The following CASK variants were observed in gnomAD, a reference collection of about 807,000 sequenced individuals.
CASK encodes the protein peripheral plasma membrane protein CASK.
CASK carries 4 observed loss-of-function variants against 82.9 expected under a neutral mutation model. The ratio of observed to expected loss-of-function variants is 0.05; its 90% CI spans 0.02 to 0.11. CASK has a LOEUF of 0.11. Among genes scored for constraint, CASK ranks in the 10% least tolerant of loss-of-function variants. CASK has a pLI of 1.00. For synonymous variants in CASK, 259 were observed against 253.5 expected, an observed-to-expected ratio of 1.02 and a Z score of -0.20; for missense variants, 358 against 720.9, an observed-to-expected ratio of 0.50 and a Z score of 5.76.
intron 5 of CASK, among the ~76,000 whole-genome samples, chrX:41,681,409 G>A (rs1011249831): frequency 3.6e-5 from 4 of 111,802 alleles, no homozygotes; most frequent in Non-Finnish European, 7.5e-5. Context: ...AAAATTAACT[G>A]TAGTACATAT....
intron 2 of CASK, among the ~76,000 whole-genome samples, chrX:41,807,677 AG>A (rs1263381915): frequency 1.8e-5 from 2 of 110,793 alleles, no homozygotes; most frequent in Non-Finnish European, 3.8e-5. Context: ...GCATCTGGTA[AG>A]GTTCGTCCCA....
intron 5 of CASK, among the ~76,000 whole-genome samples, chrX:41,709,490 T>C (rs947213204): frequency 6.3e-5 from 7 of 111,590 alleles, no homozygotes; most frequent in African/African-American, 2.3e-4. Flanking sequence ...TGAGAGTCCA[T>C]ATAAAACAGT....
chrX:41,795,258 T>C (rs983955156), intron 2 of CASK, among the ~76,000 whole-genome samples: 1 of 112,689 alleles, frequency 8.9e-6, no homozygotes, highest in Non-Finnish European at 1.9e-5. Context: ...TTAATTGTTT[T>C]GATAAATACT....
intron 1 of CASK, among the ~76,000 whole-genome samples, chrX:41,913,225 G>C (rs940906662): frequency 4.5e-5 from 5 of 112,003 alleles, no homozygotes; most frequent in African/African-American, 1.6e-4. Flanking sequence ...TCAAGTGTTT[G>C]GTGAATAGCA....
At position 41,626,659 on chromosome X, in the gene CASK, G is replaced by A; in HGVS notation, c.960C>T (p.Phe320=). 1 of 1,206,580 alleles carries A rather than the reference G, an allele frequency of 8.3e-7. No homozygotes were observed. The highest frequency in any genetic ancestry group is 1.1e-6 in the Non-Finnish European group (1 of 890,569). Residue 320 remains phenylalanine (F), a synonymous_variant, in exon 10 of 27, where the codon TTC becomes TTT. Coordinates refer to ENST00000378163, the MANE Select transcript of CASK (RefSeq NM_001367721.1). ...AAVSSHKFNS[F]YGDPPEELPD... is the part of the protein sequence containing the mutation. Reference sequence around the variant, plus strand: ...GTAACTCTTCAGGGGGATCCCCATAGAATGAGTTGAATTTGTGACTTGACA... The same window carrying A: ...GTAACTCTTCAGGGGGATCCCCATAAAATGAGTTGAATTTGTGACTTGACA...
At chrX:41,631,691 G>A (rs988873422) in intron 9 of CASK, among the ~76,000 whole-genome samples, 2 of 109,259 alleles carry the variant, frequency 1.8e-5, no homozygotes, top group East Asian at 2.9e-4. Flanking sequence ...GGCTGGTCTC[G>A]AACTCCTGAC....
intron 21 of CASK, among the ~76,000 whole-genome samples, chrX:41,544,196 T>C (rs994157500): frequency 8.9e-5 from 10 of 112,560 alleles, no homozygotes; most frequent in Non-Finnish European, 1.3e-4. Flanking sequence ...TGGTATCAAT[T>C]GATGAACACA....
intron 8 of CASK, among the ~76,000 whole-genome samples, chrX:41,641,712 A>C (rs1360080653): frequency 2.7e-5 from 3 of 111,272 alleles, no homozygotes; most frequent in African/African-American, 9.8e-5. Context: ...TTTTTTAATT[A>C]AAAAACTTTA....
At chrX:41,654,474 C>T (rs1474944070) in intron 8 of CASK, among the ~76,000 whole-genome samples, 1 of 110,257 alleles carries the variant, frequency 9.1e-6, no homozygotes, top group Admixed American at 9.7e-5. Context: ...AGTTTGAGAG[C>T]ATCCTGGCAA....
intron 8 of CASK, among the ~76,000 whole-genome samples, chrX:41,651,947 T>A (rs1384995866): frequency 9.0e-6 from 1 of 110,611 alleles, no homozygotes; most frequent in East Asian, 2.8e-4. Context: ...TGTCTTAGGG[T>A]GACAGATGCT....
intron 8 of CASK, among the ~76,000 whole-genome samples, chrX:41,644,393 G>A (rs1468815930): frequency 1.8e-5 from 2 of 112,010 alleles, no homozygotes; most frequent in Admixed American, 1.9e-4. Flanking sequence ...AGATTTCATA[G>A]ACACTTATCA....
chrX:41,861,702 C>G (rs2071479002), intron 1 of CASK, among the ~76,000 whole-genome samples: 1 of 100,524 alleles, frequency 9.9e-6, no homozygotes, highest in Non-Finnish European at 2.0e-5. Flanking sequence ...CTGCTGTTGA[C>G]ATATGTGTGT....
At chrX:41,740,578 T>C (rs777232438) in intron 4 of CASK, among the ~76,000 whole-genome samples, 7 of 112,007 alleles carry the variant, frequency 6.2e-5, no homozygotes, top group African/African-American at 1.9e-4. Context: ...AATATTTCTC[T>C]AGTTAGCATA....
chrX:41,520,627 G>A, intron 26 of CASK, 31 bp from the exon 27 acceptor site: 1 of 1,122,609 alleles, frequency 8.9e-7, no homozygotes, highest in Non-Finnish European at 1.2e-6. Flanking sequence ...GGTAGGGGTG[G>A]GCATGAGAGG....
chrX:41,890,235 T>C, intron 1 of CASK, among the ~76,000 whole-genome samples: 1 of 21,660 alleles, frequency 4.6e-5, no homozygotes, highest in South Asian at 5.3e-3. Context: ...TGTGTGTGTG[T>C]GTGTATGTGT....
chrX:41,703,159 T>C (rs779973154), intron 5 of CASK, among the ~76,000 whole-genome samples: 1 of 112,521 alleles, frequency 8.9e-6, no homozygotes, highest in South Asian at 3.6e-4. Context: ...ATATAAATAG[T>C]TTTTAGTTAT....
chrX:41,673,515 C>T (rs1232914584), intron 5 of CASK, among the ~76,000 whole-genome samples: 1 of 111,592 alleles, frequency 9.0e-6, no homozygotes, highest in African/African-American at 3.3e-5. Context: ...TAAAATTAAG[C>T]TGGTAAGGAG....
At chrX:41,626,979 T>C (rs780517587) in intron 9 of CASK, among the ~76,000 whole-genome samples, 1 of 112,184 alleles carries the variant, frequency 8.9e-6, no homozygotes, top group Non-Finnish European at 1.9e-5. Context: ...TCTGCAGTTA[T>C]TATAAAATGA....
intron 12 of CASK, among the ~76,000 whole-genome samples, chrX:41,591,000 A>T (rs1431026752): frequency 8.9e-6 from 1 of 112,375 alleles, no homozygotes; most frequent in Admixed American, 9.5e-5. Context: ...ATTAATTAAG[A>T]AAGCACTACT....
Sources: gnomAD v4.1 joint callset for allele counts (sites outside exome capture counted in the v4.1 genomes callset) on GRCh38, gnomAD v4.1.1 for gene constraint, MANE v1.5 for transcripts, NCBI Gene and HGNC (gene_info 2026-07-23, HGNC 2026-07-21) for gene names.